Variants in NPPB observed in about 807,000 individuals in gnomAD.
The protein encoded by NPPB is natriuretic peptides B.
A neutral mutation model predicts 12.7 loss-of-function variants in NPPB; 13 were observed. The observed-to-expected ratio is 1.03, with a 90% CI of 0.67 to 1.63. NPPB has a LOEUF of 1.63. Among genes scored for constraint, NPPB ranks in the 40% most tolerant of loss-of-function variants. The pLI, the probability that NPPB is intolerant of heterozygous loss-of-function variation, is 0.00. For missense variants in NPPB, 184 were observed against 172.9 expected (o/e 1.06, Z -0.36); for synonymous variants, 66 against 74.7 (o/e 0.88, Z 0.60).
Position 11,858,861 on chromosome 1 carries a change from G to T in NPPB, c.-28C>A, listed in dbSNP as rs78453499. The stretch of plus-strand genomic sequence containing the variant: ...CTCTGGAGGGACTGCGGAGGCTGCT[G>T]CTGCTGCTTCTGCTGCTGCTGCTGC... On this transcript the variant is annotated 5_prime_UTR_variant, in exon 1 of 3. Coordinates refer to ENST00000376468, the MANE Select transcript of NPPB (RefSeq NM_002521.3). 1.2e-6 allele frequency: 2 copies of T among 1,610,132 alleles called. No individual in the cohort carries two copies. The highest frequency in any genetic ancestry group is 1.7e-6 in the Non-Finnish European group (2 of 1,179,006).
Position 11,858,232 on chromosome 1 carries a change from TG to T in NPPB, c.369del (p.Ser124ValfsTer8). ...FGRKMDRISS[S>X]SGLGCKVLRR... The stretch of plus-strand genomic sequence containing the variant: ...TGCTTACCTTTGCAGCCCAGGCCAC[TG>T]GAGGAGCTGATCCGGTCCATCTTCC... On this transcript the variant is annotated frameshift_variant, in exon 2 of 3. Coordinates refer to ENST00000376468, the MANE Select transcript of NPPB (RefSeq NM_002521.3). LOFTEE classifies it high-confidence loss of function. The T allele has an allele frequency of 6.2e-7, 1 of 1,611,364 alleles. No homozygotes were observed.
chr1:11,857,767 T>C, intron 2 of NPPB, 96 bp from the exon 3 acceptor site: 1 of 1,278,314 alleles, frequency 7.8e-7, no homozygotes, highest in South Asian at 1.2e-5. Context: ...ACCCTGTTAG[T>C]CATCAGACGT....
In NPPB at chr1:11,858,629, G is replaced by T. The variant is rs1013858381; in HGVS notation, c.132+73C>A. ...CACTAATTCCAAAGGAAAGATGAGG[G>T]CCTCTTGGGACAGCAGGTGAGGACC... is the stretch of plus-strand genomic sequence containing the variant. On this transcript the variant is annotated intron_variant, in intron 1 of 2. Transcript: ENST00000376468. 18 of 1,606,650 alleles carry T rather than the reference G, an allele frequency of 1.1e-5. No individual in the cohort carries two copies. In the African/African-American group the frequency reaches 2.2e-4, roughly 19 times the overall value.
At chr1:11,857,766 G>T (rs1340445266) in intron 2 of NPPB, 95 bp from the exon 3 acceptor site, 19 of 1,277,252 alleles carry the variant, frequency 1.5e-5, no homozygotes, top group Non-Finnish European at 1.9e-5. Context: ...CACCCTGTTA[G>T]TCATCAGACG....
At position 11,857,678 on chromosome 1, in the gene NPPB, G is replaced by A. The variant is rs776258119; in HGVS notation, c.389-7C>T. The A allele has an allele frequency of 6.2e-7, 1 of 1,613,952 alleles. No homozygotes were observed. The highest frequency in any genetic ancestry group is 2.2e-5 in the East Asian group (1 of 44,884). ...TCTTAATGCCGCCTCAGCACTGTCAGGGAAAGAGAGAGGGTGATGATGGTT... is the reference window on the plus strand; with the variant it reads ...TCTTAATGCCGCCTCAGCACTGTCAAGGAAAGAGAGAGGGTGATGATGGTT... On this transcript the variant is annotated splice_polypyrimidine_tract_variant and splice_region_variant and intron_variant, in intron 2 of 2. Transcript: ENST00000376468.
chr1:11,858,680 C>G lies in NPPB; in HGVS notation c.132+22G>C, dbSNP rs772261102. 28 of 1,614,202 alleles carry G rather than the reference C, an allele frequency of 1.7e-5. 1 individual carries two copies. The highest frequency in any genetic ancestry group is 1.7e-6 in the Non-Finnish European group (2 of 1,180,024). ...CTTTCATTGCTGCTGTCCAATCCCC[C>G]TGAGCTGCCCTCCGCTCTCACCTGT... is the stretch of plus-strand genomic sequence containing the variant. On this transcript the variant is annotated intron_variant, in intron 1 of 2. Coordinates refer to ENST00000376468, the MANE Select transcript of NPPB (RefSeq NM_002521.3).
chr1:11,857,752 C>T, intron 2 of NPPB, 81 bp from the exon 3 acceptor site: 1 of 1,417,030 alleles, frequency 7.1e-7, no homozygotes, highest in Non-Finnish European at 9.9e-7. Flanking sequence ...CGTGTGCCAC[C>T]CACCACCCTG....
rs781280195 is a variant in NPPB, at chr1:11,858,334, G to A, written c.268C>T (p.His90Tyr). ...AGGGTGTAGAGGACCATTTTGCGGT[G>A]CCCACGGATGCCCTCGGTGGCTACC... ...REVATEGIRG[H>Y]RKMVLYTLRA... The change falls in exon 2 of 3, where the codon CAC becomes TAC. Residue 90 changes from histidine (H) to tyrosine (Y), a missense_variant. Transcript: ENST00000376468. 2.2e-5 allele frequency: 36 copies of A among 1,613,020 alleles called. No individual in the cohort carries two copies. The East Asian group carries it at 2.5e-4, about 11-fold the overall frequency.
rs35519114 is a variant in NPPB, at chr1:11,858,870, TCTGCTG to T, written c.-43_-38del. On this transcript the variant is annotated 5_prime_UTR_variant, in exon 1 of 3. Coordinates refer to ENST00000376468, the MANE Select transcript of NPPB (RefSeq NM_002521.3). ...GACTGCGGAGGCTGCTGCTGCTGCT[TCTGCTG>T]CTGCTGCTGCTGCTGCGATGCGTCC... 13,027 of 1,607,706 alleles carry T rather than the reference TCTGCTG, an allele frequency of 8.1e-3. 63 individuals are homozygous for T. The highest frequency in any genetic ancestry group is 0.022 in the Middle Eastern group (129 of 5,876).
rs1312097139 is a variant in NPPB, at chr1:11,858,855, GCTGCTGCTGCTGCTT to G, written c.-37_-23del. 1 of 1,607,242 alleles carries G rather than the reference GCTGCTGCTGCTGCTT, an allele frequency of 6.2e-7. No individual in the cohort carries two copies. The highest frequency in any genetic ancestry group is 1.7e-5 in the Admixed American group (1 of 59,874). Reference sequence around the variant, plus strand: ...CCATGTCTCTGGAGGGACTGCGGAGGCTGCTGCTGCTGCTTCTGCTGCTGCTGCTGCTGCTGCGAT... The same window carrying G: ...CCATGTCTCTGGAGGGACTGCGGAGGCTGCTGCTGCTGCTGCTGCTGCGAT... On this transcript the variant is annotated 5_prime_UTR_variant, in exon 1 of 3. Transcript: ENST00000376468.
At position 11,858,106 on chromosome 1, in the gene NPPB, C is replaced by A. The variant is rs115986244; in HGVS notation, c.388+108G>T. On this transcript the variant is annotated intron_variant, in intron 2 of 2. Coordinates refer to ENST00000376468, the MANE Select transcript of NPPB (RefSeq NM_002521.3). Reference sequence around the variant, plus strand: ...ACAAGAGGAAGCGATGTCCAGGTGACCTTTTCTCAAAGAGTGTGGTTCCCA... The same window carrying A: ...ACAAGAGGAAGCGATGTCCAGGTGAACTTTTCTCAAAGAGTGTGGTTCCCA... 3.3e-3 allele frequency: 3,566 copies of A among 1,092,066 alleles called. 56 individuals carry two copies. The African/African-American group carries it at 0.046, about 14-fold the overall frequency. 67.6% of individuals were successfully genotyped at this position (1,092,066 alleles called of 1,614,324 possible). A position where few individuals can be genotyped will look rare whatever the true frequency, so the allele number is the denominator to read the frequency against.
chr1:11,857,479 T>G lies in NPPB; in HGVS notation c.*176A>C, dbSNP rs1645128441. ...TTTCAAAAGATAAAGCTTATAATGT[T>G]GACTTTATTTCACCGTGGAAATTTT... On this transcript the variant is annotated 3_prime_UTR_variant, in exon 3 of 3. Transcript: ENST00000376468. The G allele has an allele frequency of 4.8e-6, 3 of 624,370 alleles. No individual in the cohort carries two copies. In the East Asian group the frequency reaches 8.2e-5, roughly 17 times the overall value. The allele number at this position is 624,370 out of a possible 1,614,324, so 38.7% of individuals were successfully genotyped here.
Position 11,858,873 on chromosome 1 carries a change from G to T in NPPB, c.-40C>A, listed in dbSNP as rs763139106. On this transcript the variant is annotated 5_prime_UTR_variant, in exon 1 of 3. Coordinates refer to ENST00000376468, the MANE Select transcript of NPPB (RefSeq NM_002521.3). ...TGCGGAGGCTGCTGCTGCTGCTTCT[G>T]CTGCTGCTGCTGCTGCTGCGATGCG... 2 of 1,450,714 alleles carry T rather than the reference G, an allele frequency of 1.4e-6. No homozygotes were observed. Among genetic ancestry groups the T allele is most frequent in the South Asian group, 1.4e-5 (1 of 73,732 alleles). 89.9% of individuals were successfully genotyped at this position (1,450,714 alleles called of 1,614,324 possible).
chr1:11,857,873 A>G (rs1645130755), intron 2 of NPPB, among the ~76,000 whole-genome samples: 1 of 152,194 alleles, frequency 6.6e-6, no homozygotes, highest in African/African-American at 2.4e-5. Flanking sequence ...CTTTGAGACT[A>G]TAGACAGTTT....
At position 11,858,892 on chromosome 1, in the gene NPPB, C is replaced by T. The variant is rs1645137265; in HGVS notation, c.-59G>A. 3 of 1,610,144 alleles carry T rather than the reference C, an allele frequency of 1.9e-6. No homozygotes were observed. Among genetic ancestry groups the T allele is most frequent in the South Asian group, 1.1e-5 (1 of 90,718 alleles). Reference sequence around the variant, plus strand: ...GCTTCTGCTGCTGCTGCTGCTGCTGCGATGCGTCCGGGTTTGCTTCCCACC... The same window carrying T: ...GCTTCTGCTGCTGCTGCTGCTGCTGTGATGCGTCCGGGTTTGCTTCCCACC... On this transcript the variant is annotated 5_prime_UTR_variant, in exon 1 of 3. Coordinates refer to ENST00000376468, the MANE Select transcript of NPPB (RefSeq NM_002521.3).
chr1:11,858,452 C>G lies in NPPB; in HGVS notation c.150G>C (p.Leu50Phe). 1 of 1,542,466 alleles carries G rather than the reference C, an allele frequency of 6.5e-7. No individual in the cohort carries two copies. Among genetic ancestry groups the G allele is most frequent in the Non-Finnish European group, 8.7e-7 (1 of 1,144,288 alleles). ...TSGLQEQRNH[L>F]QGKLSELQVE... Reference sequence around the variant, plus strand: ...CCTGCAGCTCCGACAGTTTGCCCTGCAAATGGTTGCGCTGCTCCTGCAATG... The same window carrying G: ...CCTGCAGCTCCGACAGTTTGCCCTGGAAATGGTTGCGCTGCTCCTGCAATG... Residue 50 changes from leucine to phenylalanine, a missense_variant, in exon 2 of 3, where the codon TTG becomes TTC. By Grantham distance (22) the Leu-to-Phe change is conservative (BLOSUM62 0). Coordinates refer to ENST00000376468, the MANE Select transcript of NPPB (RefSeq NM_002521.3).
chr1:11,858,720 C>T lies in NPPB; in HGVS notation c.114G>A (p.Leu38=), dbSNP rs199794109. 6.2e-7 allele frequency: 1 copy of T among 1,614,210 alleles called. No individual in the cohort carries two copies. The highest frequency in any genetic ancestry group is 2.2e-5 in the East Asian group (1 of 44,888). Residue 38 remains leucine, a synonymous_variant, in exon 1 of 3, where the codon TTG becomes TTA. Transcript: ENST00000376468. ...PLGSPGSASD[L]ETSGLQEQRN... is the part of the protein sequence containing the mutation. ...CTCTCACCTGTAACCCGGACGTTTC[C>T]AAGTCCGAGGCTGAACCGGGGCTGC... is the stretch of plus-strand genomic sequence containing the variant.
In NPPB at chr1:11,857,683, A is replaced by G. The variant is rs76377453; in HGVS notation, c.389-12T>C. 4.6e-4 allele frequency: 747 copies of G among 1,613,884 alleles called. 8 individuals carry two copies. In the African/African-American group the frequency reaches 8.9e-3, roughly 19 times the overall value. ...ATGCCGCCTCAGCACTGTCAGGGAA[A>G]GAGAGAGGGTGATGATGGTTAGGGT... On this transcript the variant is annotated splice_polypyrimidine_tract_variant and intron_variant, in intron 2 of 2. Coordinates refer to ENST00000376468, the MANE Select transcript of NPPB (RefSeq NM_002521.3).
chr1:11,858,709 C>T lies in NPPB; in HGVS notation c.125G>A (p.Gly42Glu), dbSNP rs765544521. Residue 42 changes from glycine (G) to glutamate (E), a missense_variant, in exon 1 of 3, where the codon GGG becomes GAG. By Grantham distance (98) the Gly-to-Glu change is moderately conservative. Transcript: ENST00000376468. ...GCTGCCCTCCGCTCTCACCTGTAAC[C>T]CGGACGTTTCCAAGTCCGAGGCTGA... ...PGSASDLETS[G>E]LQEQRNHLQG... 6.2e-7 allele frequency: 1 copy of T among 1,614,188 alleles called. No homozygotes were observed. The highest frequency in any genetic ancestry group is 1.1e-5 in the South Asian group (1 of 91,078).
Sources: gnomAD v4.1 joint callset for allele counts (sites outside exome capture counted in the v4.1 genomes callset) on GRCh38, gnomAD v4.1.1 for gene constraint, MANE v1.5 for transcripts, NCBI Gene and HGNC (gene_info 2026-07-23, HGNC 2026-07-21) for gene names.